UBE2N: variants seen among roughly 807,000 people sequenced by gnomAD.
UBE2N encodes the protein ubiquitin conjugating enzyme E2 N.
For missense variants in UBE2N, 60 were observed against 192.1 expected, an observed-to-expected ratio of 0.31 and a Z score of 4.07; for synonymous variants, 70 against 69.2, an observed-to-expected ratio of 1.01 and a Z score of -0.06.
intron 1 of UBE2N, among the ~76,000 whole-genome samples, chr12:93,435,198 C>T (rs545671304): frequency 1.3e-5 from 2 of 152,194 alleles, no homozygotes; most frequent in Admixed American, 6.5e-5. Flanking sequence ...ATAGGACAGG[C>T]GCGGTGACTC....
At chr12:93,414,385 G>A (rs944960653) in intron 1 of UBE2N, among the ~76,000 whole-genome samples, 1 of 149,692 alleles carries the variant, frequency 6.7e-6, no homozygotes, top group African/African-American at 2.5e-5. Context: ...GGAGGTGGAG[G>A]TTGCGGTGAG....
intron 1 of UBE2N, among the ~76,000 whole-genome samples, chr12:93,419,628 G>A (rs571649743): frequency 3.2e-4 from 49 of 152,248 alleles, no homozygotes; most frequent in Middle Eastern, 6.8e-3. Context: ...GTGGACATAA[G>A]ACATCATCTA....
intron 1 of UBE2N, among the ~76,000 whole-genome samples, chr12:93,430,871 C>T (rs900191820): frequency 4.0e-5 from 6 of 150,180 alleles, no homozygotes; most frequent in African/African-American, 1.5e-4. Context: ...CCCAGCTACT[C>T]GGGATGCTGA....
intron 1 of UBE2N, among the ~76,000 whole-genome samples, chr12:93,415,693 C>T (rs1028983233): frequency 6.6e-6 from 1 of 152,108 alleles, no homozygotes; most frequent in Non-Finnish European, 1.5e-5. Flanking sequence ...CACCTCCATC[C>T]TTTAATTTTA....
rs1259453835 is a variant in UBE2N at position 93,410,087 on chromosome 12, C to A, written c.419-8G>T. ...GCCTAGTCCATGCTCTAGCTGTAGA[C>A]AGAAACAAACATACGATTATTATTT... On this transcript the variant is annotated splice_polypyrimidine_tract_variant and splice_region_variant and intron_variant, in intron 3 of 3. Transcript: ENST00000318066. The A allele has an allele frequency of 6.2e-7, 1 of 1,612,264 alleles. No individual in the cohort carries two copies.
At chr12:93,441,133 A>T (rs964107190) in intron 1 of UBE2N, 1 of 152,450 alleles carries the variant, frequency 6.6e-6, no homozygotes, top group Non-Finnish European at 1.5e-5. Context: ...GCTCTGAAAG[A>T]GTTTGCCAAC....
At chr12:93,418,352 A>G (rs1348105125) in intron 1 of UBE2N, among the ~76,000 whole-genome samples, 2 of 151,700 alleles carry the variant, frequency 1.3e-5, no homozygotes, top group African/African-American at 4.8e-5. Context: ...CGATAGTGAG[A>G]CCTTGTCTCT....
Position 93,425,561 on chromosome 12 carries a change from T to C in UBE2N, c.31-14262A>G, listed in dbSNP as rs183514784. ...CACCAGTGTGTCTTGCATTTCTTAC[T>C]GGTTAATGAACAGATCAACTGCAGA... On this transcript the variant is annotated intron_variant, in intron 1 of 3. Transcript: ENST00000318066. Among the ~76,000 whole-genome samples, 24 of 152,316 alleles carry C rather than the reference T, an allele frequency of 1.6e-4. No homozygotes were observed. The East Asian group carries it at 3.3e-3, about 21-fold the overall frequency.
chr12:93,420,520 C>A (rs534830674), intron 1 of UBE2N, among the ~76,000 whole-genome samples: 1 of 152,160 alleles, frequency 6.6e-6, no homozygotes, highest in Non-Finnish European at 1.5e-5. Context: ...ACTGTAACTA[C>A]GCACAATAAC....
At chr12:93,426,586 C>G (rs574009210) in intron 1 of UBE2N, among the ~76,000 whole-genome samples, 1 of 152,274 alleles carries the variant, frequency 6.6e-6, no homozygotes, top group Non-Finnish European at 1.5e-5. Flanking sequence ...TCTGACAAGT[C>G]TGAAGTCAAG....
intron 1 of UBE2N, among the ~76,000 whole-genome samples, chr12:93,438,484 A>G (rs971008937): frequency 2.0e-5 from 3 of 151,990 alleles, no homozygotes; most frequent in Admixed American, 6.6e-5. Flanking sequence ...GCAAAGCAAC[A>G]GTGTGGCTAC....
At chr12:93,421,999 A>G (rs1265490070) in intron 1 of UBE2N, among the ~76,000 whole-genome samples, 2 of 152,246 alleles carry the variant, frequency 1.3e-5, no homozygotes, top group African/African-American at 4.8e-5. Flanking sequence ...TATGAAGAGC[A>G]GAACCAGATT....
At position 93,408,739 on chromosome 12, in the gene UBE2N, T is replaced by G. The variant is rs940829461; in HGVS notation, c.*1300A>C. On this transcript the variant is annotated 3_prime_UTR_variant, in exon 4 of 4. Coordinates refer to ENST00000318066, the MANE Select transcript of UBE2N (RefSeq NM_003348.4). ...AATACTGGAGGGATGAAAGCAAGAA[T>G]CATTAACTGAGGACTTGATACTCTC... The G allele has an allele frequency of 3.3e-5, 5 of 152,182 alleles. No individual in the cohort carries two copies. Among genetic ancestry groups the G allele is most frequent in the African/African-American group, 1.2e-4 (5 of 41,442 alleles). 9.4% of individuals were successfully genotyped at this position (152,182 alleles called of 1,614,324 possible). A position where few individuals can be genotyped will look rare whatever the true frequency, so the allele number is the denominator to read the frequency against.
At chr12:93,441,001 C>G (rs1002583317) in intron 1 of UBE2N, 3 of 152,166 alleles carry the variant, frequency 2.0e-5, no homozygotes, top group Non-Finnish European at 4.4e-5. Context: ...GCCGCCTGGG[C>G]ACTATAGCGA....
intron 1 of UBE2N, among the ~76,000 whole-genome samples, chr12:93,426,454 G>C (rs936823582): frequency 4.7e-5 from 7 of 148,834 alleles, no homozygotes; most frequent in African/African-American, 9.9e-5. Flanking sequence ...AATTTGAATA[G>C]TGTAAGTAAA....
rs879626874 is a variant in UBE2N, at chr12:93,408,179, A to C, written c.*1860T>G. Reference sequence around the variant, plus strand: ...GTGGTTCATTTTTAAAGTGAGATTCAATTTCCTTAGCTATAGTCAAATGTA... The same window carrying C: ...GTGGTTCATTTTTAAAGTGAGATTCCATTTCCTTAGCTATAGTCAAATGTA... On this transcript the variant is annotated 3_prime_UTR_variant, in exon 4 of 4. Coordinates refer to ENST00000318066, the MANE Select transcript of UBE2N (RefSeq NM_003348.4). 3 of 152,178 alleles carry C rather than the reference A, an allele frequency of 2.0e-5. No homozygotes were observed. Among genetic ancestry groups the C allele is most frequent in the Non-Finnish European group, 2.9e-5 (2 of 68,024 alleles). 9.4% of individuals were successfully genotyped at this position (152,178 alleles called of 1,614,324 possible).
rs1056447913 is a variant in UBE2N at position 93,409,181 on chromosome 12, A to G, written c.*858T>C. Reference sequence around the variant, plus strand: ...GTTTATAAATACTCCATTCAGTACTATCTTAACACAAATCTGCATCAGTGA... The same window carrying G: ...GTTTATAAATACTCCATTCAGTACTGTCTTAACACAAATCTGCATCAGTGA... On this transcript the variant is annotated 3_prime_UTR_variant, in exon 4 of 4. Coordinates refer to ENST00000318066, the MANE Select transcript of UBE2N (RefSeq NM_003348.4). 1 of 152,650 alleles carries G rather than the reference A, an allele frequency of 6.6e-6. No individual in the cohort carries two copies. The highest frequency in any genetic ancestry group is 6.5e-5 in the Admixed American group (1 of 15,286). 9.5% of individuals were successfully genotyped at this position (152,650 alleles called of 1,614,324 possible).
intron 1 of UBE2N, among the ~76,000 whole-genome samples, chr12:93,415,528 C>T (rs1878179616): frequency 6.6e-6 from 1 of 152,172 alleles, no homozygotes; most frequent in African/African-American, 2.4e-5. Flanking sequence ...ATAATGAAGC[C>T]TCTGACCTTG....
chr12:93,438,882 G>C (rs540395641), intron 1 of UBE2N, among the ~76,000 whole-genome samples: 2 of 152,258 alleles, frequency 1.3e-5, no homozygotes, highest in South Asian at 4.1e-4. Flanking sequence ...TGTATTTGTA[G>C]TTAGTCATTT....
Sources: allele counts gnomAD v4.1 joint callset (sites outside exome capture counted in the v4.1 genomes callset), GRCh38; gene constraint gnomAD v4.1.1; transcripts MANE v1.5; gene names NCBI Gene and HGNC (gene_info 2026-07-23, HGNC 2026-07-21).